The following TMCO5A variants were observed in gnomAD, a reference collection of about 807,000 sequenced individuals.
TMCO5A encodes the protein transmembrane and coiled-coil domain-containing protein 5A.
TMCO5A carries 34 observed loss-of-function variants against 42.3 expected under a neutral mutation model. The observed-to-expected ratio is 0.80, with a 90% CI of 0.61 to 1.07. The LOEUF is 1.07. Ranked by LOEUF, TMCO5A falls within the 50% of genes least tolerant of loss-of-function variation. TMCO5A has a pLI of 0.00. For synonymous variants in TMCO5A, 131 were observed against 115.6 expected, an observed-to-expected ratio of 1.13 and a Z score of -0.86; for missense variants, 357 against 327.9, an observed-to-expected ratio of 1.09 and a Z score of -0.69.
chr15:38,038,564 C>T, the TMCO5A span, among the ~76,000 whole-genome samples: 3 of 152,074 alleles, frequency 2.0e-5, no homozygotes, highest in Admixed American at 6.6e-5. Context: ...CACCACCACG[C>T]CCGGCTAATT....
chr15:37,947,848 CTG>C (rs1187933589), intron 11 of TMCO5A, 152 bp downstream of exon 11: 1 of 535,560 alleles, frequency 1.9e-6, no homozygotes, highest in African/African-American at 2.0e-5. Context: ...ATGTCTTTGA[CTG>C]TATTTCTCAA....
chr15:37,987,055 C>T, the TMCO5A span, among the ~76,000 whole-genome samples: 3 of 152,048 alleles, frequency 2.0e-5, no homozygotes, highest in South Asian at 2.1e-4. Flanking sequence ...TATCTCCACA[C>T]CTTCATCAAC....
At chr15:38,031,987 C>G in the TMCO5A span, among the ~76,000 whole-genome samples, 1 of 149,702 alleles carries the variant, frequency 6.7e-6, no homozygotes, top group South Asian at 2.1e-4. Flanking sequence ...TGGAATTTTG[C>G]TTTCGTCGCC....
chr15:38,014,872 T>TATAG, the TMCO5A span, among the ~76,000 whole-genome samples: 2 of 76,320 alleles, frequency 2.6e-5, no homozygotes, highest in Non-Finnish European at 5.9e-5. Context: ...TATATATATA[T>TATAG]ATATATATAT....
At chr15:37,936,783 T>C (rs1889527745) in intron 3 of TMCO5A, 64 bp from the exon 4 acceptor site, 7 of 1,597,178 alleles carry the variant, frequency 4.4e-6, no homozygotes, top group Non-Finnish European at 6.0e-6. Context: ...ATCTGAAATC[T>C]GTGTTTTATC....
chr15:38,039,607 G>GA, the TMCO5A span, among the ~76,000 whole-genome samples: 14 of 152,224 alleles, frequency 9.2e-5, no homozygotes, highest in Admixed American at 8.5e-4. Context: ...ATACCCCACA[G>GA]GTATAGATTA....
At chr15:38,017,835 G>A in the TMCO5A span, among the ~76,000 whole-genome samples, 1 of 152,260 alleles carries the variant, frequency 6.6e-6, no homozygotes, top group Non-Finnish European at 1.5e-5. Context: ...AGGGCCTGGC[G>A]AGAGGTGATT....
chr15:37,988,252 C>T, the TMCO5A span, among the ~76,000 whole-genome samples: 1 of 151,924 alleles, frequency 6.6e-6, no homozygotes, highest in Non-Finnish European at 1.5e-5. Context: ...TAGGTGAAAT[C>T]TTTAGAGTTT....
At chr15:37,997,701 A>G in the TMCO5A span, among the ~76,000 whole-genome samples, 1 of 152,160 alleles carries the variant, frequency 6.6e-6, no homozygotes, top group Non-Finnish European at 1.5e-5. Context: ...CAGTACACTC[A>G]TTCCTTTTCT....
chr15:38,029,936 C>T, the TMCO5A span, among the ~76,000 whole-genome samples: 59 of 152,184 alleles, frequency 3.9e-4, 1 homozygote, highest in Non-Finnish European at 6.3e-4. Context: ...GGTAAGAAAT[C>T]GCAGCTGATA....
At chr15:38,035,520 G>C in the TMCO5A span, among the ~76,000 whole-genome samples, 8 of 152,176 alleles carry the variant, frequency 5.3e-5, no homozygotes, top group African/African-American at 1.7e-4. Flanking sequence ...ATTCTAGGGA[G>C]CAGAACTGCA....
chr15:37,940,351 T>C (rs1296268334), intron 6 of TMCO5A, among the ~76,000 whole-genome samples: 1 of 152,138 alleles, frequency 6.6e-6, no homozygotes, highest in Non-Finnish European at 1.5e-5. Flanking sequence ...AACTCCCTCA[T>C]ATAAGCCAAA....
At chr15:37,963,918 A>G (rs768403472) in intron 11 of TMCO5A, among the ~76,000 whole-genome samples, 16 of 151,656 alleles carry the variant, frequency 1.1e-4, no homozygotes, top group Non-Finnish European at 2.4e-4. Context: ...CATTTTTTGG[A>G]TTTCCTTGCA....
At chr15:37,974,583 T>C in the TMCO5A span, among the ~76,000 whole-genome samples, 23 of 152,306 alleles carry the variant, frequency 1.5e-4, no homozygotes, top group South Asian at 4.6e-3. Flanking sequence ...TTTGTATTTC[T>C]GTGGGTTGGT....
chr15:38,022,265 A>T, the TMCO5A span, among the ~76,000 whole-genome samples: 66 of 152,322 alleles, frequency 4.3e-4, no homozygotes, highest in African/African-American at 1.5e-3. Flanking sequence ...GATGGCTTTC[A>T]GTAGGTAAAT....
downstream of TMCO5A, among the ~76,000 whole-genome samples, chr15:37,952,356 T>C (rs1308620533): frequency 6.6e-6 from 1 of 151,984 alleles, no homozygotes; most frequent in African/African-American, 2.4e-5. Flanking sequence ...GGGAAGACTT[T>C]GTCTTGCATC....
the TMCO5A span, among the ~76,000 whole-genome samples, chr15:37,995,918 C>T: frequency 6.6e-6 from 1 of 151,850 alleles, no homozygotes; most frequent in Non-Finnish European, 1.5e-5. Context: ...TCAAAAAAAT[C>T]GCCCTTCTCA....
At chr15:37,934,749 G>A (rs930685835) in intron 1 of TMCO5A, 55 bp downstream of exon 1, 3 of 151,996 alleles carry the variant, frequency 2.0e-5, no homozygotes, top group African/African-American at 7.2e-5. Context: ...GGAAGGGAGA[G>A]ACAAATGATT....
the TMCO5A span, among the ~76,000 whole-genome samples, chr15:37,987,862 A>C: frequency 2.0e-5 from 3 of 151,976 alleles, no homozygotes; most frequent in Admixed American, 6.6e-5. Flanking sequence ...ATTCCATGTA[A>C]ATTTTAGGAT....
Sources: allele counts gnomAD v4.1 joint callset (sites outside exome capture counted in the v4.1 genomes callset), GRCh38; gene constraint gnomAD v4.1.1; transcripts MANE v1.5; gene names NCBI Gene and HGNC (gene_info 2026-07-23, HGNC 2026-07-21).